Variants in RHOJ observed in about 807,000 individuals in gnomAD.
The protein encoded by RHOJ is rho-related GTP-binding protein RhoJ.
RHOJ carries 11 observed loss-of-function variants against 23.4 expected under a neutral mutation model. That is an observed-to-expected ratio of 0.47 (90% confidence interval 0.30 to 0.78). The LOEUF (loss-of-function observed/expected upper bound fraction) is 0.78, where lower values mean the gene tolerates loss of function less well. RHOJ is among the 30% of genes least tolerant of loss of function. The pLI, the probability that RHOJ is intolerant of heterozygous loss-of-function variation, is 0.08. For synonymous variants in RHOJ, 102 were observed against 102.7 expected (o/e 0.99, Z 0.04); for missense variants, 254 against 273.4 (o/e 0.93, Z 0.50).
intron 2 of RHOJ, among the ~76,000 whole-genome samples, chr14:63,280,118 G>A (rs555892371): frequency 6.6e-6 from 1 of 152,252 alleles, no homozygotes; most frequent in South Asian, 2.1e-4. Flanking sequence ...CAAACTCCCA[G>A]GCTCAAGCCA....
At chr14:63,212,314 T>G (rs1399623936) in intron 1 of RHOJ, among the ~76,000 whole-genome samples, 1 of 152,142 alleles carries the variant, frequency 6.6e-6, no homozygotes, top group Non-Finnish European at 1.5e-5. Flanking sequence ...AGAATGGATT[T>G]TGATGGAAGC....
intron 1 of RHOJ, among the ~76,000 whole-genome samples, chr14:63,206,243 A>G (rs1894106229): frequency 6.6e-6 from 1 of 152,222 alleles, no homozygotes; most frequent in Non-Finnish European, 1.5e-5. Context: ...TGAATACAGT[A>G]TCCATTTCCC....
chr14:63,269,839 C>T (rs575805247), intron 2 of RHOJ, among the ~76,000 whole-genome samples: 39 of 152,306 alleles, frequency 2.6e-4, no homozygotes, highest in African/African-American at 9.4e-4. Context: ...AATCAGCTGG[C>T]ACATGCTCTT....
rs1209042923 is a variant in RHOJ at position 63,291,801 on chromosome 14, T to C, written c.*777T>C. Reference sequence around the variant, plus strand: ...GATGCTTAGTAGTGGCCTGATTTTTTTCCATGTATTGCCACGACAAACTAA... The same window carrying C: ...GATGCTTAGTAGTGGCCTGATTTTTCTCCATGTATTGCCACGACAAACTAA... On this transcript the variant is annotated 3_prime_UTR_variant, in exon 5 of 5. Transcript: ENST00000316754. The C allele has an allele frequency of 1.3e-5, 2 of 152,798 alleles. No individual in the cohort carries two copies. The highest frequency in any genetic ancestry group is 4.8e-5 in the African/African-American group (2 of 41,462). 9.5% of individuals were successfully genotyped at this position (152,798 alleles called of 1,614,324 possible). A position where few individuals can be genotyped will look rare whatever the true frequency, so the allele number is the denominator to read the frequency against.
At chr14:63,218,080 C>T (rs1400844390) in intron 1 of RHOJ, among the ~76,000 whole-genome samples, 1 of 152,112 alleles carries the variant, frequency 6.6e-6, no homozygotes, top group Non-Finnish European at 1.5e-5. Flanking sequence ...TCTCTTCTGG[C>T]ATTTTAATAA....
At chr14:63,251,310 A>T (rs1193318563) in intron 1 of RHOJ, among the ~76,000 whole-genome samples, 2 of 152,218 alleles carry the variant, frequency 1.3e-5, no homozygotes, top group African/African-American at 2.4e-5. Flanking sequence ...AGTATGTTTT[A>T]TTGTACCACT....
intron 1 of RHOJ, among the ~76,000 whole-genome samples, chr14:63,210,639 C>G (rs1166028550): frequency 6.6e-6 from 1 of 152,192 alleles, no homozygotes; most frequent in Non-Finnish European, 1.5e-5. Context: ...TTTCTTCCCC[C>G]ATCCTATCTT....
At position 63,206,884 on chromosome 14, in the gene RHOJ, T is replaced by C. The variant is rs534254224; in HGVS notation, c.178+1837T>C. 3.4e-4 allele frequency among the ~76,000 whole-genome samples: 52 copies of C among 152,346 alleles called. 1 individual carries two copies. Among genetic ancestry groups the C allele is most frequent in the South Asian group, 3.3e-3 (16 of 4,830 alleles). On this transcript the variant is annotated intron_variant, in intron 1 of 4. Transcript: ENST00000316754. ...AGCAATACTTTGCACATAGTAAGCA[T>C]TCCTAAACATGGTTACTTTGATGTA...
intron 1 of RHOJ, among the ~76,000 whole-genome samples, chr14:63,205,564 T>C (rs1894092307): frequency 6.6e-6 from 1 of 152,242 alleles, no homozygotes; most frequent in Non-Finnish European, 1.5e-5. Flanking sequence ...AGTTTTGTTT[T>C]CCTGAGGTTG....
intron 1 of RHOJ, among the ~76,000 whole-genome samples, chr14:63,267,089 T>A (rs965954075): frequency 6.6e-6 from 1 of 152,198 alleles, no homozygotes; most frequent in African/African-American, 2.4e-5. Flanking sequence ...TTTCTGCTCC[T>A]ACCATTGAGT....
intron 1 of RHOJ, among the ~76,000 whole-genome samples, chr14:63,253,576 C>T (rs1895110487): frequency 1.3e-5 from 2 of 152,106 alleles, no homozygotes; most frequent in South Asian, 2.1e-4. Flanking sequence ...TTCTTGTATT[C>T]ATCTAGGACA....
In RHOJ at chr14:63,291,032, T is replaced by G. The variant is rs1375845596; in HGVS notation, c.*8T>G. ...TGCTGTTCAATTATCTGAGGTTGTCTGGGACCTGCCTCCACCCCATCCAGG... is the reference window on the plus strand; with the variant it reads ...TGCTGTTCAATTATCTGAGGTTGTCGGGGACCTGCCTCCACCCCATCCAGG... On this transcript the variant is annotated 3_prime_UTR_variant, in exon 5 of 5. Transcript: ENST00000316754. 1 of 1,613,850 alleles carries G rather than the reference T, an allele frequency of 6.2e-7. No individual in the cohort carries two copies. Among genetic ancestry groups the G allele is most frequent in the South Asian group, 1.1e-5 (1 of 91,086 alleles).
At chr14:63,258,417 G>A (rs1046484406) in intron 1 of RHOJ, among the ~76,000 whole-genome samples, 1 of 150,728 alleles carries the variant, frequency 6.6e-6, no homozygotes, top group African/African-American at 2.5e-5. Context: ...TATAATAAGA[G>A]AGTTTAGCAA....
At chr14:63,216,791 G>A (rs1198485088) in intron 1 of RHOJ, among the ~76,000 whole-genome samples, 1 of 152,138 alleles carries the variant, frequency 6.6e-6, no homozygotes, top group African/African-American at 2.4e-5. Flanking sequence ...CATAAACTTT[G>A]CTGTAAAGAT....
intron 1 of RHOJ, 151 bp from the exon 2 acceptor site, chr14:63,268,959 T>C (rs561569038): frequency 2.3e-5 from 14 of 596,290 alleles, no homozygotes; most frequent in Non-Finnish European, 4.2e-5. Flanking sequence ...TTGGAAATTA[T>C]GCTGTCAACT....
intron 3 of RHOJ, among the ~76,000 whole-genome samples, chr14:63,281,861 AT>A (rs1881909376): frequency 6.6e-6 from 1 of 152,232 alleles, no homozygotes; most frequent in African/African-American, 2.4e-5. Context: ...TCCCAAAGAC[AT>A]AGGAATATAC....
At chr14:63,231,664 T>C (rs954881828) in intron 1 of RHOJ, among the ~76,000 whole-genome samples, 1 of 152,238 alleles carries the variant, frequency 6.6e-6, no homozygotes, top group African/African-American at 2.4e-5. Flanking sequence ...TGTTTCTTCA[T>C]GTATGAAATG....
chr14:63,211,983 G>C (rs1039489063), intron 1 of RHOJ, among the ~76,000 whole-genome samples: 1 of 152,148 alleles, frequency 6.6e-6, no homozygotes, highest in Admixed American at 6.6e-5. Context: ...TTAACTCAAT[G>C]GCAAGGTATT....
At chr14:63,288,430 G>A in intron 4 of RHOJ, 1 of 731,854 alleles carries the variant, frequency 1.4e-6, no homozygotes. Flanking sequence ...CAGTTTCTAG[G>A]TATTTTCCAG....
Sources: allele counts gnomAD v4.1 joint callset (sites outside exome capture counted in the v4.1 genomes callset), GRCh38; gene constraint gnomAD v4.1.1; transcripts MANE v1.5; gene names NCBI Gene and HGNC (gene_info 2026-07-23, HGNC 2026-07-21).